The following ARHGEF10 variants were observed in gnomAD, a reference collection of about 807,000 sequenced individuals.
The protein encoded by ARHGEF10 is Rho guanine nucleotide exchange factor 10.
A neutral mutation model predicts 147.4 loss-of-function variants in ARHGEF10; 140 were observed. The ratio of observed to expected loss-of-function variants is 0.95; its 90% CI spans 0.83 to 1.09. The LOEUF (loss-of-function observed/expected upper bound fraction) is 1.09, where lower values mean the gene tolerates loss of function less well. Ranked by LOEUF, ARHGEF10 falls within the 50% of genes least tolerant of loss-of-function variation. The pLI is 0.00. For missense variants in ARHGEF10, 2,222 were observed against 1,752.7 expected (o/e 1.27, Z -4.78); for synonymous variants, 902 against 695.8 (o/e 1.30, Z -4.67).
chr8:1,911,634 C>A (rs12544995), intron 18 of ARHGEF10, among the ~76,000 whole-genome samples: 16,519 of 152,150 alleles, frequency 0.11, 976 homozygotes, highest in Middle Eastern at 0.14. Flanking sequence ...TATCCCGACA[C>A]GTCTGGATTC....
intron 18 of ARHGEF10, among the ~76,000 whole-genome samples, chr8:1,918,190 T>G (rs552086345): frequency 6.6e-6 from 1 of 152,308 alleles, no homozygotes; most frequent in Admixed American, 6.5e-5. Flanking sequence ...CTGTGTGGTT[T>G]CTTGTTATTC....
At chr8:1,925,511 C>G (rs901421892) in intron 22 of ARHGEF10, 107 bp downstream of exon 22, 3 of 1,465,926 alleles carry the variant, frequency 2.0e-6, no homozygotes, top group Non-Finnish European at 2.8e-6. Flanking sequence ...ATGGTCCTCC[C>G]AGGTTCACCA....
chr8:1,888,239 T>TGGTGAGGGTTGCGAGGAGACAGTGAGTGG (rs1808939198), intron 11 of ARHGEF10, among the ~76,000 whole-genome samples: 1 of 27,134 alleles, frequency 3.7e-5, no homozygotes, highest in African/African-American at 1.4e-4. Flanking sequence ...ACAGTGAGTG[T>TGGTGAGGGTTGCGAGGAGACAGTGAGTGG]GGTGAGGGTT....
At chr8:1,905,538 C>CTGTG (rs1563264127) in intron 16 of ARHGEF10, 33 bp from the exon 17 acceptor site, 1 of 1,614,040 alleles carries the variant, frequency 6.2e-7, no homozygotes, top group Admixed American at 1.7e-5. Context: ...GTAAACTGAA[C>CTGTG]TGTGGTCCCT....
chr8:1,923,666 G>C, intron 20 of ARHGEF10, 71 bp downstream of exon 20: 3 of 1,614,058 alleles, frequency 1.9e-6, no homozygotes, highest in Non-Finnish European at 2.5e-6. Context: ...GTCATGACAT[G>C]TATGTTTTTT....
chr8:1,893,363 T>C (rs1809705573), intron 11 of ARHGEF10, among the ~76,000 whole-genome samples: 1 of 152,200 alleles, frequency 6.6e-6, no homozygotes, highest in Non-Finnish European at 1.5e-5. Context: ...TTATAGTTCA[T>C]AGTTTGAGGT....
At chr8:1,941,795 G>T (rs1288476509) in intron 26 of ARHGEF10, among the ~76,000 whole-genome samples, 2 of 152,316 alleles carry the variant, frequency 1.3e-5, no homozygotes, top group Middle Eastern at 6.8e-3. Context: ...GAGACCACGT[G>T]TGTCTATGTT....
intron 12 of ARHGEF10, among the ~76,000 whole-genome samples, chr8:1,893,942 G>C (rs1044130137): frequency 6.6e-6 from 1 of 152,118 alleles, no homozygotes; most frequent in Non-Finnish European, 1.5e-5. Flanking sequence ...GGGAGGCTGA[G>C]TCAGGTGGAT....
intron 18 of ARHGEF10, among the ~76,000 whole-genome samples, chr8:1,920,474 C>T (rs1277787815): frequency 1.3e-5 from 2 of 149,566 alleles, no homozygotes; most frequent in Admixed American, 6.7e-5. Context: ...AGGCGCGCAT[C>T]ACAATGCCTG....
rs926637438 is a variant in ARHGEF10, at chr8:1,864,491, C to G, written c.545+55C>G. ...GAATTCCCGCCTTTCTCCTGAGGAG[C>G]TGGACGTGGGGATCCTGGTGTGTGT... On this transcript the variant is annotated intron_variant, in intron 5 of 28. Coordinates refer to ENST00000349830, the MANE Select transcript of ARHGEF10 (RefSeq NM_014629.4). 4.5e-6 allele frequency: 7 copies of G among 1,564,794 alleles called. No individual in the cohort carries two copies. The Admixed American group carries it at 6.7e-5, about 15-fold the overall frequency.
At chr8:1,890,011 C>T (rs1809325327) in intron 11 of ARHGEF10, among the ~76,000 whole-genome samples, 1 of 136,652 alleles carries the variant, frequency 7.3e-6, no homozygotes, top group Non-Finnish European at 1.5e-5. Flanking sequence ...TGAGGAGACA[C>T]TGAGTGCGGT....
In ARHGEF10 at chr8:1,937,680, A is replaced by C. The variant is rs905628922; in HGVS notation, c.3222+3738A>C. ...GTGGCCAGGGGCTGGGGCAGCCCAC[A>C]GGACCTGAGCCCACAAGATTCGAGC... is the stretch of plus-strand genomic sequence containing the variant. On this transcript the variant is annotated intron_variant, in intron 26 of 28. Transcript: ENST00000349830. The surrounding 1 kb of genome is among the most constrained non-coding windows in gnomAD (Gnocchi z 4.9). 6.6e-6 allele frequency among the ~76,000 whole-genome samples: 1 copy of C among 152,246 alleles called. No individual in the cohort carries two copies. The highest frequency in any genetic ancestry group is 2.4e-5 in the African/African-American group (1 of 41,468).
intron 27 of ARHGEF10, among the ~76,000 whole-genome samples, chr8:1,947,429 G>A (rs555047225): frequency 2.0e-5 from 3 of 152,320 alleles, no homozygotes; most frequent in African/African-American, 7.2e-5. Context: ...CCCTCTCCGG[G>A]TGGGATCAGA....
chr8:1,909,655 C>G (rs1811211750), intron 18 of ARHGEF10, among the ~76,000 whole-genome samples, 185 bp downstream of exon 18: 1 of 152,230 alleles, frequency 6.6e-6, no homozygotes, highest in Non-Finnish European at 1.5e-5. Context: ...GTCGGCTGCT[C>G]ATCACTGACT....
chr8:1,954,441 A>C (rs1349460584), intron 28 of ARHGEF10, among the ~76,000 whole-genome samples: 2 of 151,502 alleles, frequency 1.3e-5, no homozygotes, highest in Non-Finnish European at 2.9e-5. Flanking sequence ...GGGATGCTCA[A>C]CCGGCAAGTG....
At chr8:1,935,368 GGCAAATGTATCTCA>G (rs1287747128) in intron 26 of ARHGEF10, among the ~76,000 whole-genome samples, 14 of 152,196 alleles carry the variant, frequency 9.2e-5, no homozygotes, top group Admixed American at 9.2e-4. Flanking sequence ...TGTGGGTTTG[GGCAAATGTATCTCA>G]GCATTGTCCA....
chr8:1,907,075 C>G lies in ARHGEF10; in HGVS notation c.1967+1359C>G, dbSNP rs181192002. 3.3e-5 allele frequency among the ~76,000 whole-genome samples: 5 copies of G among 152,178 alleles called. No homozygotes were observed. In the East Asian group the frequency reaches 5.8e-4, roughly 18 times the overall value. On this transcript the variant is annotated intron_variant, in intron 17 of 28. Coordinates refer to ENST00000349830, the MANE Select transcript of ARHGEF10 (RefSeq NM_014629.4). ...GCACCCTGCGTTGGAGAGGAGCTGA[C>G]GGAGTGAGGCCGTGGGAGGTCGCAG... is the stretch of plus-strand genomic sequence containing the variant.
At chr8:1,857,575 A>T (rs925174493) in intron 2 of ARHGEF10, among the ~76,000 whole-genome samples, 1 of 151,550 alleles carries the variant, frequency 6.6e-6, no homozygotes, top group Non-Finnish European at 1.5e-5. Context: ...GCCCGCCAAC[A>T]CGCCTGGCTA....
chr8:1,923,969 CAGT>C, intron 21 of ARHGEF10, 95 bp downstream of exon 21: 1 of 1,167,316 alleles, frequency 8.6e-7, no homozygotes, highest in Non-Finnish European at 1.3e-6. Context: ...GGAAACTCAG[CAGT>C]AGATCCATGC....
Sources: allele counts gnomAD v4.1 joint callset (sites outside exome capture counted in the v4.1 genomes callset), GRCh38; gene constraint gnomAD v4.1.1; non-coding constraint Gnocchi (gnomAD v3.1); transcripts MANE v1.5; gene names NCBI Gene and HGNC (gene_info 2026-07-23, HGNC 2026-07-21).